Variants in HECTD4 observed in about 807,000 individuals in gnomAD.
The protein encoded by HECTD4 is probable E3 ubiquitin-protein ligase HECTD4.
A neutral mutation model predicts 471.5 loss-of-function variants in HECTD4; 114 were observed. That is an observed-to-expected ratio of 0.24 (90% CI 0.21 to 0.28). HECTD4 has a LOEUF of 0.28. HECTD4 is among the 10% of genes least tolerant of loss of function. The pLI is 1.00. For missense variants in HECTD4, 3,866 were observed against 5,651.5 expected (o/e 0.68, Z 10.13); for synonymous variants, 2,012 against 2,256.0 (o/e 0.89, Z 3.07).
rs1229578267 is a variant in HECTD4 at position 112,179,338 on chromosome 12, G to T, written c.11047C>A (p.His3683Asn). The T allele has an allele frequency of 6.2e-7, 1 of 1,613,210 alleles. No homozygotes were observed. The highest frequency in any genetic ancestry group is 8.5e-7 in the Non-Finnish European group (1 of 1,179,648). Residue 3683 changes from histidine (H) to asparagine (N), a missense_variant, in exon 63 of 76, where the codon CAT becomes AAT. Coordinates refer to ENST00000682272, the MANE Select transcript of HECTD4 (RefSeq NM_001388303.1). This position sits in a 1 kb window ranked among gnomAD's most constrained non-coding sequence, Gnocchi z 4.3. ...GTCAGGCTCAGCGTCTGCTCTGAAT[G>T]GGCACAACTCTTAAATATCTCCGTC... is the stretch of plus-strand genomic sequence containing the variant. Reference protein sequence around the residue: ...VLTEIFKSCAHSEQTLSLTPA... With the variant: ...VLTEIFKSCANSEQTLSLTPA...
chr12:112,200,884 C>CGTGTGTGTGT lies in HECTD4; in HGVS notation c.8407-96_8407-87dup, dbSNP rs3835014. 1.8e-4 allele frequency: 126 copies of CGTGTGTGTGT among 698,760 alleles called. 1 individual carries two copies. The Admixed American group carries it at 2.1e-3, about 12-fold the overall frequency. 43.3% of individuals were successfully genotyped at this position (698,760 alleles called of 1,614,324 possible). A position where few individuals can be genotyped will look rare whatever the true frequency, so the allele number is the denominator to read the frequency against. ...GCGTGCGTGTGTGTGTGCGTGCGTG[C>CGTGTGTGTGT]GTGTGTGTGTGTGTGTGTGTGTGTG... On this transcript the variant is annotated intron_variant, in intron 54 of 75. Coordinates refer to ENST00000682272, the MANE Select transcript of HECTD4 (RefSeq NM_001388303.1).
chr12:112,253,082 G>A (rs1426235395), intron 22 of HECTD4, among the ~76,000 whole-genome samples: 3 of 151,912 alleles, frequency 2.0e-5, no homozygotes, highest in Non-Finnish European at 4.4e-5. Context: ...CCAAAGTGCT[G>A]GGATTACAGG....
chr12:112,171,433 G>A, intron 67 of HECTD4, 170 bp from the exon 68 acceptor site: 1 of 1,088,664 alleles, frequency 9.2e-7, no homozygotes, highest in Non-Finnish European at 1.3e-6. Flanking sequence ...CTGTGCCTAT[G>A]CCAAGCAGAC....
In HECTD4 at chr12:112,244,778, C is replaced by T. The variant is rs1051781619; in HGVS notation, c.4514-769G>A. On this transcript the variant is annotated intron_variant, in intron 29 of 75. Coordinates refer to ENST00000682272, the MANE Select transcript of HECTD4 (RefSeq NM_001388303.1). Reference sequence around the variant, plus strand: ...CTGATTTATTGTCATTTAATGATACCTCTGCTTTGATCATAGTTGGTAGGA... The same window carrying T: ...CTGATTTATTGTCATTTAATGATACTTCTGCTTTGATCATAGTTGGTAGGA... 2.6e-5 allele frequency among the ~76,000 whole-genome samples: 4 copies of T among 152,092 alleles called. No individual in the cohort carries two copies. In the East Asian group the frequency reaches 5.8e-4, roughly 22 times the overall value.
At position 112,243,330 on chromosome 12, in the gene HECTD4, A is replaced by G. The variant is rs769318238; in HGVS notation, c.4958+23T>C. 2 of 1,603,346 alleles carry G rather than the reference A, an allele frequency of 1.2e-6. No individual in the cohort carries two copies. The highest frequency in any genetic ancestry group is 1.7e-5 in the Admixed American group (1 of 58,802). On this transcript the variant is annotated intron_variant, in intron 32 of 75. Transcript: ENST00000682272. This position sits in a 1 kb window ranked among gnomAD's most constrained non-coding sequence, Gnocchi z 6.6. ...CTCTGACCATTCTAGAAAGGACAGT[A>G]TAAACTAACAGAAACAACTAACCTG...
intron 1 of HECTD4, among the ~76,000 whole-genome samples, chr12:112,329,713 A>C (rs1315090542): frequency 1.3e-5 from 2 of 152,230 alleles, no homozygotes; most frequent in African/African-American, 4.8e-5. Flanking sequence ...CATCAAATCC[A>C]TATCTAAAAT....
At chr12:112,216,682 G>A in intron 47 of HECTD4, 91 bp downstream of exon 47, 2 of 1,432,412 alleles carry the variant, frequency 1.4e-6, no homozygotes, top group Non-Finnish European at 9.6e-7. Flanking sequence ...CTCACTTGAA[G>A]ACAGAACTCT....
At chr12:112,274,699 C>T (rs2034488845) in intron 10 of HECTD4, 148 bp downstream of exon 10, 2 of 608,702 alleles carry the variant, frequency 3.3e-6, no homozygotes, top group South Asian at 2.0e-5. Flanking sequence ...AGAAGAGACC[C>T]TGTCTCAAAC....
intron 32 of HECTD4, among the ~76,000 whole-genome samples, chr12:112,241,612 C>G (rs1175816617): frequency 6.6e-6 from 1 of 152,138 alleles, no homozygotes; most frequent in African/African-American, 2.4e-5. Context: ...CAGGCATGCC[C>G]CACCACTACG....
Position 112,213,534 on chromosome 12 carries a change from A to G in HECTD4, c.7466-884T>C, listed in dbSNP as rs1050668296. On this transcript the variant is annotated intron_variant, in intron 48 of 75. Coordinates refer to ENST00000682272, the MANE Select transcript of HECTD4 (RefSeq NM_001388303.1). This position sits in a 1 kb window ranked among gnomAD's most constrained non-coding sequence, Gnocchi z 4.0. ...ACCCTGTCTCTACTAAAAATACAAA[A>G]ATTTCGCCGGGCTAGGTGGCAGGCA... Among the ~76,000 whole-genome samples the G allele has an allele frequency of 1.3e-5, 2 of 150,918 alleles. No homozygotes were observed. The highest frequency in any genetic ancestry group is 1.3e-4 in the Admixed American group (2 of 15,134).
intron 2 of HECTD4, among the ~76,000 whole-genome samples, chr12:112,318,256 C>T (rs1358712593): frequency 6.6e-6 from 1 of 151,450 alleles, no homozygotes; most frequent in East Asian, 1.9e-4. Flanking sequence ...CAGAGTGAGA[C>T]TCTGTCTCAA....
chr12:112,200,490 T>G, intron 55 of HECTD4, 148 bp downstream of exon 55: 1 of 816,492 alleles, frequency 1.2e-6, no homozygotes, highest in Non-Finnish European at 1.9e-6. Flanking sequence ...CCTCCTGCAA[T>G]TTTGCTGTTA....
At chr12:112,245,554 C>A (rs1275419901) in intron 29 of HECTD4, among the ~76,000 whole-genome samples, 1 of 152,112 alleles carries the variant, frequency 6.6e-6, no homozygotes, top group East Asian at 1.9e-4. Flanking sequence ...TCAGGGAGAA[C>A]CTGTATTAGA....
chr12:112,306,394 T>A (rs1162148714), intron 6 of HECTD4, among the ~76,000 whole-genome samples, 160 bp from the exon 7 acceptor site: 1 of 152,156 alleles, frequency 6.6e-6, no homozygotes, highest in African/African-American at 2.4e-5. Context: ...ATACACAAAT[T>A]ACATGGCAAA....
chr12:112,294,649 C>G (rs1404695490), intron 7 of HECTD4, among the ~76,000 whole-genome samples: 1 of 152,136 alleles, frequency 6.6e-6, no homozygotes, highest in East Asian at 1.9e-4. Context: ...TCAACCAACT[C>G]CATCTGGCTG....
At chr12:112,347,778 T>C (rs60258199) in intron 1 of HECTD4, among the ~76,000 whole-genome samples, 23,910 of 152,214 alleles carry the variant, frequency 0.16, 2,520 homozygotes, top group African/African-American at 0.3. Context: ...GGGGGCCCCA[T>C]GGCAGGTGGT....
chr12:112,327,242 G>A lies in HECTD4; in HGVS notation c.178-7500C>T, dbSNP rs145743198. ...TGAGGCAGGAGAACTGCTTGAACCCGGGAGGTGGAGGTTGCAGTAAGCCAA... is the reference window on the plus strand; with the variant it reads ...TGAGGCAGGAGAACTGCTTGAACCCAGGAGGTGGAGGTTGCAGTAAGCCAA... On this transcript the variant is annotated intron_variant, in intron 1 of 75. Transcript: ENST00000682272. Among the ~76,000 whole-genome samples the A allele has an allele frequency of 2.5e-3, 380 of 152,230 alleles. 5 individuals carry two copies. In the East Asian group the frequency reaches 0.05, roughly 20 times the overall value.
intron 18 of HECTD4, among the ~76,000 whole-genome samples, chr12:112,260,490 T>G (rs1171193849): frequency 6.6e-6 from 1 of 152,128 alleles, no homozygotes; most frequent in Admixed American, 6.6e-5. Context: ...AAAATTACAC[T>G]GTAGGATTCT....
intron 8 of HECTD4, among the ~76,000 whole-genome samples, chr12:112,281,608 C>T (rs564380539): frequency 6.6e-6 from 1 of 152,172 alleles, no homozygotes; most frequent in African/African-American, 2.4e-5. Flanking sequence ...ATCCACTTAC[C>T]CAAATCATAA....
Sources: gnomAD v4.1 joint callset for allele counts (sites outside exome capture counted in the v4.1 genomes callset) on GRCh38, gnomAD v4.1.1 for gene constraint, Gnocchi (gnomAD v3.1) non-coding constraint, MANE v1.5 for transcripts, NCBI Gene and HGNC (gene_info 2026-07-23, HGNC 2026-07-21) for gene names.